The following ZBTB7C variants were observed in gnomAD, a reference collection of about 807,000 sequenced individuals.
ZBTB7C encodes zinc finger and BTB domain containing 7C.
Under a neutral mutation model 25.7 loss-of-function variants are expected in ZBTB7C, and 8 were observed. The observed-to-expected ratio is 0.31, with a 90% confidence interval of 0.18 to 0.56. ZBTB7C has a LOEUF of 0.56. ZBTB7C is among the 20% of genes least tolerant of loss of function. The probability of loss-of-function intolerance (pLI) is 0.91; values close to 1 mark genes in which losing one functional copy is unlikely to be tolerated. For synonymous variants in ZBTB7C, 394 were observed against 369.0 expected (o/e 1.07, Z -0.78); for missense variants, 824 against 855.2 (o/e 0.96, Z 0.46).
At chr18:48,284,944 T>G (rs999253606) in intron 2 of ZBTB7C, among the ~76,000 whole-genome samples, 12 of 152,262 alleles carry the variant, frequency 7.9e-5, no homozygotes, top group Non-Finnish European at 1.2e-4. Context: ...ACTGGACTAA[T>G]GCGTAAAGGC....
At chr18:48,288,200 T>C (rs2045114240) in intron 2 of ZBTB7C, among the ~76,000 whole-genome samples, 1 of 152,262 alleles carries the variant, frequency 6.6e-6, no homozygotes, top group African/African-American at 2.4e-5. Flanking sequence ...AGATTGCTAG[T>C]TATAATATTA....
At chr18:48,361,301 G>T (rs2047099537) in intron 1 of ZBTB7C, among the ~76,000 whole-genome samples, 1 of 152,156 alleles carries the variant, frequency 6.6e-6, no homozygotes, top group Non-Finnish European at 1.5e-5. Flanking sequence ...TCCTCACAAT[G>T]ATCCTATAAG....
At chr18:48,384,524 T>C (rs1194071355) in intron 1 of ZBTB7C, among the ~76,000 whole-genome samples, 1 of 152,238 alleles carries the variant, frequency 6.6e-6, no homozygotes, top group African/African-American at 2.4e-5. Flanking sequence ...GAGGGATTGC[T>C]GAAGATGTAG....
At chr18:48,298,061 A>C (rs1035279019) in intron 2 of ZBTB7C, among the ~76,000 whole-genome samples, 3 of 152,142 alleles carry the variant, frequency 2.0e-5, no homozygotes, top group Admixed American at 6.5e-5. Flanking sequence ...CAGGTGGATC[A>C]CAAGGTCAGG....
chr18:48,148,822 C>T (rs1253358048), intron 3 of ZBTB7C: 1 of 152,110 alleles, frequency 6.6e-6, no homozygotes, highest in Non-Finnish European at 1.5e-5. Context: ...GTAATCAGGC[C>T]AAAGGTAATG....
chr18:48,033,126 C>T (rs1322425093), intron 4 of ZBTB7C, among the ~76,000 whole-genome samples: 1 of 152,180 alleles, frequency 6.6e-6, no homozygotes, highest in Non-Finnish European at 1.5e-5. Context: ...CAGAGCTAAA[C>T]CTAGGACCAG....
chr18:48,166,666 G>A (rs1210818449), intron 3 of ZBTB7C, among the ~76,000 whole-genome samples: 1 of 152,208 alleles, frequency 6.6e-6, no homozygotes, highest in Non-Finnish European at 1.5e-5. Flanking sequence ...AGAAAAAGGA[G>A]TTTCCAGCAG....
At chr18:48,052,283 C>T (rs2036719333) in intron 3 of ZBTB7C, among the ~76,000 whole-genome samples, 1 of 152,140 alleles carries the variant, frequency 6.6e-6, no homozygotes. Flanking sequence ...GCCATTTCTG[C>T]CCAAAGGGGC....
intron 3 of ZBTB7C, among the ~76,000 whole-genome samples, chr18:48,104,347 C>G (rs536968361): frequency 2.0e-4 from 31 of 152,272 alleles, no homozygotes; most frequent in South Asian, 1.2e-3. Flanking sequence ...TGCCAGCTCC[C>G]CTTCCTCTTC....
intron 3 of ZBTB7C, among the ~76,000 whole-genome samples, chr18:48,132,578 A>G (rs1288013309): frequency 6.6e-6 from 1 of 152,254 alleles, no homozygotes; most frequent in African/African-American, 2.4e-5. Flanking sequence ...TGTGAATTAT[A>G]TCTCAATAAA....
chr18:48,136,508 T>C (rs2040167924), intron 3 of ZBTB7C, among the ~76,000 whole-genome samples: 1 of 151,952 alleles, frequency 6.6e-6, no homozygotes, highest in African/African-American at 2.4e-5. Flanking sequence ...ATGGCTTTTG[T>C]CCCCCCTCCC....
Position 48,100,815 on chromosome 18 carries a change from G to A in ZBTB7C, c.-16-59692C>T, listed in dbSNP as rs377124413. 3.0e-4 allele frequency among the ~76,000 whole-genome samples: 45 copies of A among 152,176 alleles called. 3 individuals are homozygous for A. Among genetic ancestry groups the A allele is most frequent in the Admixed American group, 1.6e-3 (25 of 15,286 alleles). On this transcript the variant is annotated intron_variant, in intron 3 of 4. Coordinates refer to ENST00000590800, the MANE Select transcript of ZBTB7C (RefSeq NM_001318841.2). ...AGGCTTGCCTTTGGAAAACAAGGTC[G>A]CAAATCAAGCCGGAGCCTGGGAAGG...
At chr18:48,137,297 A>T (rs2040202200) in intron 3 of ZBTB7C, 1 of 985,352 alleles carries the variant, frequency 1.0e-6, no homozygotes, top group African/African-American at 1.7e-5. Flanking sequence ...GCTTCACTTT[A>T]TGACACCAAA....
At chr18:48,178,859 T>C (rs2041777507) in intron 3 of ZBTB7C, among the ~76,000 whole-genome samples, 1 of 152,114 alleles carries the variant, frequency 6.6e-6, no homozygotes, top group Non-Finnish European at 1.5e-5. Flanking sequence ...GTGGAGCCCA[T>C]CATGTGTCCC....
intron 3 of ZBTB7C, among the ~76,000 whole-genome samples, chr18:48,126,069 T>C (rs1345514199): frequency 6.6e-6 from 1 of 152,226 alleles, no homozygotes; most frequent in African/African-American, 2.4e-5. Context: ...TCATTTTTTA[T>C]ATCATTTGAT....
At position 48,029,627 on chromosome 18, in the gene ZBTB7C, G is replaced by A. The variant is rs2035651370; in HGVS notation, c.1493C>T (p.Pro498Leu). Reference protein sequence around the residue: ...AASLLFGPGGPAPDKAAFVMP... With the variant: ...AASLLFGPGGLAPDKAAFVMP... Reference sequence around the variant, plus strand: ...CACGAAGGCCGCCTTGTCGGGGGCCGGGCCGCCGGGCCCGAAGAGCAGGCT... The same window carrying A: ...CACGAAGGCCGCCTTGTCGGGGGCCAGGCCGCCGGGCCCGAAGAGCAGGCT... Residue 498 changes from proline to leucine, a missense_variant, in exon 5 of 5, where the codon CCG (proline) becomes CTG (leucine). By Grantham distance (98) the Pro-to-Leu change is moderately conservative. Coordinates refer to ENST00000590800, the MANE Select transcript of ZBTB7C (RefSeq NM_001318841.2). 1.3e-6 allele frequency: 2 copies of A among 1,501,682 alleles called. No individual in the cohort carries two copies. The highest frequency in any genetic ancestry group is 1.8e-6 in the Non-Finnish European group (2 of 1,135,406). The allele number at this position is 1,501,682 out of a possible 1,614,324, so 93.0% of individuals were successfully genotyped here.
intron 1 of ZBTB7C, among the ~76,000 whole-genome samples, chr18:48,383,254 T>A (rs2047672783): frequency 3.3e-5 from 5 of 152,084 alleles, no homozygotes; most frequent in Admixed American, 3.3e-4. Context: ...TCAATTACAA[T>A]CTTTTATTTA....
chr18:48,372,415 A>C (rs529836843), intron 1 of ZBTB7C, among the ~76,000 whole-genome samples: 1 of 152,314 alleles, frequency 6.6e-6, no homozygotes, highest in Admixed American at 6.5e-5. Flanking sequence ...TCTGGCCAAT[A>C]GGCTATGAGT....
At chr18:48,161,429 G>C (rs2144952114) in intron 3 of ZBTB7C, among the ~76,000 whole-genome samples, 1 of 152,148 alleles carries the variant, frequency 6.6e-6, no homozygotes, top group South Asian at 2.1e-4. Context: ...AAAACCAACG[G>C]GGCGGATTCA....
Sources: allele counts gnomAD v4.1 joint callset (sites outside exome capture counted in the v4.1 genomes callset), GRCh38; gene constraint gnomAD v4.1.1; transcripts MANE v1.5; gene names NCBI Gene and HGNC (gene_info 2026-07-23, HGNC 2026-07-21).